The following TRMT9B variants were observed in gnomAD, a reference collection of about 807,000 sequenced individuals.
TRMT9B encodes the protein tRNA methyltransferase 9B (putative).
TRMT9B carries 16 observed loss-of-function variants against 11.5 expected under a neutral mutation model. The ratio of observed to expected loss-of-function variants is 1.39; its 90% CI spans 0.94 to 2.11. The LOEUF (loss-of-function observed/expected upper bound fraction) is 2.11, where lower values mean the gene tolerates loss of function less well. Ranked by LOEUF, TRMT9B falls within the 30% of genes most tolerant of loss-of-function variation. The probability of loss-of-function intolerance (pLI) is 0.00; values close to 1 mark genes in which losing one functional copy is unlikely to be tolerated. For synonymous variants in TRMT9B, 274 were observed against 192.4 expected (o/e 1.42, Z -3.51); for missense variants, 941 against 553.8 (o/e 1.70, Z -7.02).
rs1211973168 is a variant in TRMT9B, at chr8:12,990,887, C to T, written c.-146C>T. ...AAGAGGTTTATCATGAGAAGGACCGCACTATTTCATTTCACTCCTACAAGT... is the reference window on the plus strand; with the variant it reads ...AAGAGGTTTATCATGAGAAGGACCGTACTATTTCATTTCACTCCTACAAGT... On this transcript the variant is annotated 5_prime_UTR_variant, in exon 2 of 5. Transcript: ENST00000524591. The T allele has an allele frequency of 7.8e-7, 1 of 1,289,600 alleles. No homozygotes were observed. Among genetic ancestry groups the T allele is most frequent in the East Asian group, 5.5e-5 (1 of 18,026 alleles). The allele number at this position is 1,289,600 out of a possible 1,614,324, so 79.9% of individuals were successfully genotyped here.
intron 3 of TRMT9B, chr8:13,006,671 T>C: frequency 1.5e-6 from 2 of 1,348,668 alleles, no homozygotes; most frequent in Non-Finnish European, 1.9e-6. Flanking sequence ...ACTTTTATTT[T>C]ATTTTTATTC....
At chr8:13,003,814 A>T (rs1310455868) in intron 2 of TRMT9B, among the ~76,000 whole-genome samples, 1 of 150,584 alleles carries the variant, frequency 6.6e-6, no homozygotes, top group African/African-American at 2.4e-5. Flanking sequence ...TTAACACACA[A>T]AAAAAGCACC....
At chr8:13,016,489 C>G (rs187120512) in intron 4 of TRMT9B, among the ~76,000 whole-genome samples, 2 of 150,492 alleles carry the variant, frequency 1.3e-5, no homozygotes, top group Non-Finnish European at 3.0e-5. Context: ...ATTTAAAGTT[C>G]TTATGTTGGC....
At chr8:13,019,319 TCTCA>T (rs1209031554) in intron 4 of TRMT9B, among the ~76,000 whole-genome samples, 1 of 152,188 alleles carries the variant, frequency 6.6e-6, no homozygotes, top group Non-Finnish European at 1.5e-5. Context: ...TGAGACAGCG[TCTCA>T]CTCTGTTGGC....
intron 1 of TRMT9B, among the ~76,000 whole-genome samples, chr8:12,947,734 G>A (rs1404017927): frequency 6.6e-6 from 1 of 152,236 alleles, no homozygotes; most frequent in East Asian, 1.9e-4. Flanking sequence ...TAACTTAAGA[G>A]ACTTCAGGTG....
Position 13,021,017 on chromosome 8 carries a change from AT to A in TRMT9B, c.343del (p.Ser115LeufsTer10). 1 of 1,543,784 alleles carries A rather than the reference AT, an allele frequency of 6.5e-7. No individual in the cohort carries two copies. The highest frequency in any genetic ancestry group is 8.7e-7 in the Non-Finnish European group (1 of 1,145,636). On this transcript the variant is annotated frameshift_variant, in exon 5 of 5. Transcript: ENST00000524591. LOFTEE classifies it low-confidence loss of function (END_TRUNC). The part of the protein sequence containing the change: ...DAIISIGVIH[H>X]FSTKQRRIRA... ...GTTTTGTCTTTTTCAGTCATACATC[AT>A]TTTTCTACAAAACAAAGAAGAATCA...
intron 3 of TRMT9B, chr8:13,006,825 C>A (rs924416849): frequency 4.1e-5 from 11 of 267,520 alleles, no homozygotes; most frequent in African/African-American, 2.2e-4. Context: ...CCCGCCACCA[C>A]GCCCAGCTAA....
intron 4 of TRMT9B, among the ~76,000 whole-genome samples, chr8:13,017,883 C>T (rs572323289): frequency 2.6e-5 from 4 of 151,874 alleles, no homozygotes; most frequent in African/African-American, 9.7e-5. Flanking sequence ...CTCAGCCCCT[C>T]AAAGTGCTGG....
intron 2 of TRMT9B, among the ~76,000 whole-genome samples, chr8:12,997,083 T>A (rs916259878): frequency 1.2e-4 from 19 of 152,090 alleles, no homozygotes; most frequent in Non-Finnish European, 2.8e-4. Context: ...TGTGTATTCT[T>A]TTGTGGACTT....
chr8:12,977,892 C>T (rs1365323713), intron 1 of TRMT9B, among the ~76,000 whole-genome samples: 2 of 151,390 alleles, frequency 1.3e-5, no homozygotes, highest in African/African-American at 2.4e-5. Flanking sequence ...AGCCAGGTGC[C>T]GTGGCATGTG....
chr8:12,982,250 G>A (rs1160487918), intron 1 of TRMT9B, among the ~76,000 whole-genome samples: 1 of 152,114 alleles, frequency 6.6e-6, no homozygotes, highest in Non-Finnish European at 1.5e-5. Context: ...AGGTGATAGG[G>A]AAGGGGCAGG....
At chr8:13,012,614 T>C (rs1811848250) in intron 3 of TRMT9B, 70 bp from the exon 4 acceptor site, 1 of 1,492,056 alleles carries the variant, frequency 6.7e-7, no homozygotes, top group South Asian at 1.3e-5. Context: ...ATATTTCTTG[T>C]TATGAGACAA....
intron 2 of TRMT9B, among the ~76,000 whole-genome samples, chr8:13,000,520 T>A (rs542849372): frequency 6.6e-5 from 10 of 152,344 alleles, no homozygotes; most frequent in African/African-American, 2.2e-4. Flanking sequence ...TGATTCAATG[T>A]CTGGGATCTC....
chr8:13,010,291 T>G (rs1347330231), intron 3 of TRMT9B: 1 of 936,294 alleles, frequency 1.1e-6, no homozygotes, highest in Non-Finnish European at 1.3e-6. Context: ...AGGGTCATAT[T>G]TTCATTGCAA....
chr8:12,991,425 T>C (rs1807312629), intron 2 of TRMT9B, among the ~76,000 whole-genome samples: 1 of 152,236 alleles, frequency 6.6e-6, no homozygotes, highest in Non-Finnish European at 1.5e-5. Context: ...GTCTTTTTTA[T>C]AATGTAAGTT....
intron 1 of TRMT9B, among the ~76,000 whole-genome samples, chr8:12,950,310 G>T (rs183533353): frequency 2.6e-5 from 4 of 152,298 alleles, no homozygotes; most frequent in African/African-American, 7.2e-5. Context: ...CACTGGACGA[G>T]TATTTATCAG....
At chr8:13,016,310 G>T (rs1812691494) in intron 4 of TRMT9B, among the ~76,000 whole-genome samples, 1 of 133,694 alleles carries the variant, frequency 7.5e-6, no homozygotes, top group Admixed American at 8.1e-5. Context: ...ACTAGATGAG[G>T]CATAAGAGAG....
intron 1 of TRMT9B, among the ~76,000 whole-genome samples, chr8:12,957,568 G>T (rs1016020255): frequency 1.3e-5 from 2 of 152,164 alleles, no homozygotes; most frequent in Admixed American, 6.5e-5. Context: ...AGGGTGATCA[G>T]ATGACTTATT....
At chr8:12,995,675 T>C (rs1285662620) in intron 2 of TRMT9B, among the ~76,000 whole-genome samples, 1 of 152,196 alleles carries the variant, frequency 6.6e-6, no homozygotes, top group East Asian at 1.9e-4. Context: ...TTGTTTTTGT[T>C]TTGGGTTTGG....
Sources: allele counts gnomAD v4.1 joint callset (sites outside exome capture counted in the v4.1 genomes callset), GRCh38; gene constraint gnomAD v4.1.1; transcripts MANE v1.5; gene names NCBI Gene and HGNC (gene_info 2026-07-23, HGNC 2026-07-21).